Variants in NRCAM observed in about 807,000 individuals in gnomAD.
The protein encoded by NRCAM is neuronal cell adhesion molecule.
In NRCAM, 83 loss-of-function variants were observed where a neutral mutation model predicts 156.5. The ratio of observed to expected loss-of-function variants is 0.53; its 90% CI spans 0.44 to 0.64. The LOEUF is 0.64. Among genes scored for constraint, NRCAM ranks in the 30% least tolerant of loss-of-function variants. The pLI is 0.00. For synonymous variants in NRCAM, 538 were observed against 563.9 expected (o/e 0.95, Z 0.65); for missense variants, 1,417 against 1,597.3 (o/e 0.89, Z 1.92).
intron 2 of NRCAM, among the ~76,000 whole-genome samples, chr7:108,312,932 A>T (rs1385360341): frequency 6.6e-6 from 1 of 152,196 alleles, no homozygotes; most frequent in Non-Finnish European, 1.5e-5. Flanking sequence ...CAGAGAAGTG[A>T]CCAGAACTCT....
chr7:108,352,034 T>C (rs1431039052), intron 2 of NRCAM, among the ~76,000 whole-genome samples: 1 of 152,176 alleles, frequency 6.6e-6, no homozygotes, highest in Non-Finnish European at 1.5e-5. Context: ...ACTCCCTGAC[T>C]GCAGAGTCCT....
At position 108,168,283 on chromosome 7, in the gene NRCAM, C is replaced by A; in HGVS notation, c.3307G>T (p.Ala1103Ser). 1 of 1,571,264 alleles carries A rather than the reference C, an allele frequency of 6.4e-7. No homozygotes were observed. The highest frequency in any genetic ancestry group is 1.9e-5 in the Admixed American group (1 of 53,398). ...HVNFYVEYGV[A>S]GSKEEWRKEI... The stretch of plus-strand genomic sequence containing the variant: ...TAATGAAATTGTTTCTTACTGCCTG[C>A]TACACCATATTCAACATAAAAGTTC... Residue 1103 changes from alanine to serine, a missense_variant, in exon 29 of 33, where the codon GCA (alanine) becomes TCA (serine). Around this residue, in one of 2 missense-constraint regions of NRCAM, gnomAD observed 179 missense variants for 260.9 expected, o/e 0.69. Transcript: ENST00000379028.
At chr7:108,299,074 C>T (rs1382743195) in intron 3 of NRCAM, among the ~76,000 whole-genome samples, 1 of 78,138 alleles carries the variant, frequency 1.3e-5, no homozygotes, top group African/African-American at 4.4e-5. Context: ...CTACTGCACT[C>T]CAGCCTGGGC....
intron 1 of NRCAM, among the ~76,000 whole-genome samples, chr7:108,414,264 G>C (rs1015680340): frequency 6.6e-6 from 1 of 152,232 alleles, no homozygotes; most frequent in African/African-American, 2.4e-5. Flanking sequence ...CTGCAAGACA[G>C]TGTGTGTCAC....
chr7:108,453,803 T>C (rs1853305122), intron 1 of NRCAM, among the ~76,000 whole-genome samples: 1 of 152,212 alleles, frequency 6.6e-6, no homozygotes, highest in Admixed American at 6.5e-5. Context: ...TCCACTTTGG[T>C]TCAAATTTTC....
chr7:108,399,036 G>A (rs2099784599), intron 2 of NRCAM, among the ~76,000 whole-genome samples: 1 of 152,146 alleles, frequency 6.6e-6, no homozygotes, highest in South Asian at 2.1e-4. Flanking sequence ...TTTCATAAAA[G>A]TTATATCGTT....
At chr7:108,393,375 A>G (rs2154380035) in intron 2 of NRCAM, among the ~76,000 whole-genome samples, 1 of 152,236 alleles carries the variant, frequency 6.6e-6, no homozygotes, top group African/African-American at 2.4e-5. Context: ...CAGGTGCCAG[A>G]TATAATCTCT....
In NRCAM at chr7:108,421,026, T is replaced by A. The variant is rs77988837; in HGVS notation, c.-331-21433A>T. ...CCACAACTGTTGGAAAGCAAAGACA[T>A]AACTTCATTCCCCCACATACCCCAA... is the stretch of plus-strand genomic sequence containing the variant. On this transcript the variant is annotated intron_variant, in intron 1 of 32. Transcript: ENST00000379028. 5.5e-3 allele frequency among the ~76,000 whole-genome samples: 836 copies of A among 152,278 alleles called. 7 individuals carry two copies. The highest frequency in any genetic ancestry group is 0.017 in the African/African-American group (711 of 41,564).
At chr7:108,360,748 T>C (rs192808011) in intron 2 of NRCAM, among the ~76,000 whole-genome samples, 1 of 152,252 alleles carries the variant, frequency 6.6e-6, no homozygotes, top group Admixed American at 6.5e-5. Context: ...GAAGAAAGAA[T>C]AGTTTTTTCA....
At chr7:108,389,915 C>T (rs1292496645) in intron 2 of NRCAM, among the ~76,000 whole-genome samples, 4 of 152,138 alleles carry the variant, frequency 2.6e-5, no homozygotes, top group African/African-American at 9.7e-5. Context: ...CCCACTTGAT[C>T]ATGGTGGATA....
At chr7:108,230,949 A>C (rs935564028) in intron 8 of NRCAM, 82 bp downstream of exon 8, 19 of 1,096,850 alleles carry the variant, frequency 1.7e-5, no homozygotes, top group Non-Finnish European at 2.5e-5. Flanking sequence ...CATTTTATGA[A>C]TCATAAGAGG....
chr7:108,367,314 A>AAT (rs1007540713), intron 2 of NRCAM, among the ~76,000 whole-genome samples: 5 of 152,082 alleles, frequency 3.3e-5, no homozygotes, highest in African/African-American at 1.2e-4. Flanking sequence ...TTAGATATGA[A>AAT]ATATATATAT....
chr7:108,164,549 A>G (rs371696212), intron 30 of NRCAM, among the ~76,000 whole-genome samples: 12,988 of 130,698 alleles, frequency 0.099, 1,037 homozygotes, highest in African/African-American at 0.23. Context: ...CGCGGAACCG[A>G]GAGGAGAGGA....
intron 3 of NRCAM, among the ~76,000 whole-genome samples, chr7:108,274,125 C>T (rs1276888442): frequency 1.3e-5 from 2 of 152,190 alleles, no homozygotes; most frequent in Non-Finnish European, 2.9e-5. Flanking sequence ...CAGTACCACA[C>T]TGTTTTGGTT....
chr7:108,289,456 ATGT>A (rs1485902947), intron 3 of NRCAM, among the ~76,000 whole-genome samples: 3 of 152,148 alleles, frequency 2.0e-5, no homozygotes, highest in South Asian at 2.1e-4. Context: ...TATAGTCACG[ATGT>A]TGTACAACAG....
At chr7:108,375,575 C>T (rs1595615720) in intron 2 of NRCAM, among the ~76,000 whole-genome samples, 1 of 152,046 alleles carries the variant, frequency 6.6e-6, no homozygotes, top group East Asian at 1.9e-4. Flanking sequence ...ATAAGCACTG[C>T]CTACAGAAAA....
intron 30 of NRCAM, among the ~76,000 whole-genome samples, chr7:108,162,678 C>T (rs983627902): frequency 6.6e-6 from 1 of 152,164 alleles, no homozygotes; most frequent in African/African-American, 2.4e-5. Context: ...CATCCACATT[C>T]ACTGACTTTG....
chr7:108,447,086 T>C (rs1845152924), intron 1 of NRCAM, among the ~76,000 whole-genome samples: 1 of 152,040 alleles, frequency 6.6e-6, no homozygotes, highest in Non-Finnish European at 1.5e-5. Flanking sequence ...TTTCACTTGG[T>C]ATCTATTTGC....
chr7:108,193,998 A>C, intron 17 of NRCAM, 26 bp downstream of exon 17: 1 of 1,607,186 alleles, frequency 6.2e-7, no homozygotes. Context: ...GAATGAAGAG[A>C]AAGTAAAGAA....
Sources: allele counts gnomAD v4.1 joint callset (sites outside exome capture counted in the v4.1 genomes callset), GRCh38; gene constraint gnomAD v4.1.1; regional missense constraint gnomAD v4.1.1; transcripts MANE v1.5; gene names NCBI Gene and HGNC (gene_info 2026-07-23, HGNC 2026-07-21).